The following CNOT2 variants were observed in gnomAD, a reference collection of about 807,000 sequenced individuals.
CNOT2 encodes CC chemokine receptor 4-negative regulator of transcription 2.
A neutral mutation model predicts 72.1 loss-of-function variants in CNOT2; 7 were observed. The observed-to-expected ratio is 0.10, with a 90% CI of 0.06 to 0.18. The LOEUF (loss-of-function observed/expected upper bound fraction) is 0.18. Among genes scored for constraint, CNOT2 ranks in the 10% least tolerant of loss-of-function variants. CNOT2 has a pLI of 1.00. For synonymous variants in CNOT2, 196 were observed against 225.6 expected (o/e 0.87, Z 1.17); for missense variants, 345 against 660.3 (o/e 0.52, Z 5.23).
At chr12:70,310,869 CT>C in intron 2 of CNOT2, 25 bp from the exon 3 acceptor site, 6 of 1,604,844 alleles carry the variant, frequency 3.7e-6, no homozygotes, top group Non-Finnish European at 5.1e-6. Context: ...AGTATTACCC[CT>C]GATAAAAGTA....
rs1880579465 is a variant in CNOT2, at chr12:70,335,658, G to A, written c.775+95G>A. ...TGTACGTATACATATGCTTGTGTGT[G>A]TACACATGTATGTTTGCATTTTCTA... On this transcript the variant is annotated intron_variant, in intron 8 of 15. Coordinates refer to ENST00000229195, the MANE Select transcript of CNOT2 (RefSeq NM_014515.7). 10 of 855,992 alleles carry A rather than the reference G, an allele frequency of 1.2e-5. No homozygotes were observed. In the Admixed American group the frequency reaches 1.3e-4, roughly 11 times the overall value. The allele number at this position is 855,992 out of a possible 1,614,324, so 53.0% of individuals were successfully genotyped here.
intron 1 of CNOT2, among the ~76,000 whole-genome samples, chr12:70,263,596 C>G (rs1396466004): frequency 6.6e-6 from 1 of 152,086 alleles, no homozygotes; most frequent in Non-Finnish European, 1.5e-5. Flanking sequence ...TCACACTTTC[C>G]TTTACGTCTT....
Position 70,288,065 on chromosome 12 carries a change from A to G in CNOT2, c.48+9791A>G, listed in dbSNP as rs1042223094. 2.7e-5 allele frequency among the ~76,000 whole-genome samples: 4 copies of G among 149,102 alleles called. 1 individual carries two copies. Among genetic ancestry groups the G allele is most frequent in the Non-Finnish European group, 4.4e-5 (3 of 67,504 alleles). On this transcript the variant is annotated intron_variant, in intron 2 of 15. Transcript: ENST00000229195. The stretch of plus-strand genomic sequence containing the variant: ...ATTCCTTCACCACTTTTTGCTTACC[A>G]TAAATAACAGGAACATCAAGATTTT...
At chr12:70,343,518 T>A (rs1881771191) in intron 13 of CNOT2, among the ~76,000 whole-genome samples, 1 of 152,236 alleles carries the variant, frequency 6.6e-6, no homozygotes, top group Non-Finnish European at 1.5e-5. Context: ...ATGATTTTTG[T>A]ATTCATCATC....
chr12:70,302,236 G>T (rs1593173761), intron 2 of CNOT2, among the ~76,000 whole-genome samples: 1 of 148,096 alleles, frequency 6.8e-6, no homozygotes, highest in Non-Finnish European at 1.5e-5. Flanking sequence ...TCTGATTTTA[G>T]TTATTTCTTG....
At chr12:70,321,736 G>A (rs1878333309) in intron 4 of CNOT2, 1 of 151,624 alleles carries the variant, frequency 6.6e-6, no homozygotes, top group African/African-American at 2.4e-5. Flanking sequence ...GTTAGAGGTG[G>A]AAGAGATATA....
intron 1 of CNOT2, among the ~76,000 whole-genome samples, chr12:70,253,455 G>A (rs1371810258): frequency 6.6e-6 from 1 of 152,128 alleles, no homozygotes; most frequent in Admixed American, 6.5e-5. Flanking sequence ...GAAACACTTA[G>A]CACCTTTTAT....
intron 1 of CNOT2, among the ~76,000 whole-genome samples, chr12:70,244,493 G>A (rs1199362847): frequency 1.3e-5 from 2 of 152,118 alleles, no homozygotes; most frequent in Non-Finnish European, 2.9e-5. Flanking sequence ...TATTTCCAAG[G>A]TTTTAGACCT....
At chr12:70,318,866 A>G (rs557197362) in intron 3 of CNOT2, among the ~76,000 whole-genome samples, 1 of 151,934 alleles carries the variant, frequency 6.6e-6, no homozygotes, top group South Asian at 2.1e-4. Context: ...TATATAATGA[A>G]TGTATGTTCT....
At chr12:70,317,958 C>CCTGGAAACCACAGATCAGCCT (rs1877642650) in intron 3 of CNOT2, among the ~76,000 whole-genome samples, 1 of 151,698 alleles carries the variant, frequency 6.6e-6, no homozygotes, top group African/African-American at 2.4e-5. Flanking sequence ...ATTTTTCATC[C>CCTGGAAACCACAGATCAGCCT]CTGGAAACCA....
chr12:70,315,263 T>C (rs1440954285), intron 3 of CNOT2, among the ~76,000 whole-genome samples: 1 of 152,124 alleles, frequency 6.6e-6, no homozygotes, highest in Non-Finnish European at 1.5e-5. Context: ...TTTTCCAATT[T>C]TAAAGGTTCT....
At chr12:70,250,025 CTA>C (rs1958061052) in intron 1 of CNOT2, among the ~76,000 whole-genome samples, 1 of 152,098 alleles carries the variant, frequency 6.6e-6, no homozygotes, top group Non-Finnish European at 1.5e-5. Flanking sequence ...TCAGGCCAAA[CTA>C]TTTGCTACAG....
chr12:70,299,843 G>A (rs1411321727), intron 2 of CNOT2, among the ~76,000 whole-genome samples: 1 of 152,204 alleles, frequency 6.6e-6, no homozygotes, highest in Non-Finnish European at 1.5e-5. Context: ...CCCACCAGCA[G>A]TGTAAAAGTG....
chr12:70,267,065 T>C (rs11178163), intron 1 of CNOT2, among the ~76,000 whole-genome samples: 2,053 of 152,266 alleles, frequency 0.013, 46 homozygotes, highest in African/African-American at 0.046. Flanking sequence ...TTTTAGTATA[T>C]TCTTTGTGTA....
intron 1 of CNOT2, among the ~76,000 whole-genome samples, chr12:70,274,788 T>G (rs1362598124): frequency 6.6e-6 from 1 of 152,086 alleles, no homozygotes; most frequent in Non-Finnish European, 1.5e-5. Flanking sequence ...GTGTGGCCTT[T>G]GGGGTCTGGT....
At chr12:70,263,939 A>G (rs1245171474) in intron 1 of CNOT2, among the ~76,000 whole-genome samples, 1 of 152,204 alleles carries the variant, frequency 6.6e-6, no homozygotes, top group African/African-American at 2.4e-5. Context: ...AGCCTTGGAC[A>G]TGGGCAATTA....
intron 1 of CNOT2, among the ~76,000 whole-genome samples, chr12:70,244,599 C>G (rs1335681310): frequency 1.3e-5 from 2 of 152,168 alleles, no homozygotes; most frequent in African/African-American, 2.4e-5. Context: ...CATCAACTTC[C>G]TTCGAATCCT....
intron 11 of CNOT2, among the ~76,000 whole-genome samples, chr12:70,340,540 T>C (rs1389800277): frequency 1.3e-5 from 2 of 152,216 alleles, no homozygotes; most frequent in Non-Finnish European, 1.5e-5. Flanking sequence ...CCCCAACTTA[T>C]TCTGTCTACA....
At chr12:70,259,304 A>T (rs763799208) in intron 1 of CNOT2, among the ~76,000 whole-genome samples, 1 of 142,768 alleles carries the variant, frequency 7.0e-6, no homozygotes, top group South Asian at 2.4e-4. Flanking sequence ...GTGAGTTTTC[A>T]TGCAGGGCTT....
Sources: gnomAD v4.1 joint callset for allele counts (sites outside exome capture counted in the v4.1 genomes callset) on GRCh38, gnomAD v4.1.1 for gene constraint, MANE v1.5 for transcripts, NCBI Gene and HGNC (gene_info 2026-07-23, HGNC 2026-07-21) for gene names.